Variants in PTPRA observed in about 807,000 individuals in gnomAD.
PTPRA encodes receptor-type tyrosine-protein phosphatase alpha.
PTPRA carries 25 observed loss-of-function variants against 104.8 expected under a neutral mutation model. The observed-to-expected ratio is 0.24, with a 90% CI of 0.17 to 0.33. The LOEUF (loss-of-function observed/expected upper bound fraction) is 0.33. PTPRA is among the 10% of genes least tolerant of loss of function. The pLI, the probability that PTPRA is intolerant of heterozygous loss-of-function variation, is 1.00. For missense variants in PTPRA, 765 were observed against 1,015.3 expected (o/e 0.75, Z 3.35); for synonymous variants, 323 against 368.9 (o/e 0.88, Z 1.43).
chr20:2,990,553 TACAACA>T (rs768046525), intron 9 of PTPRA, among the ~76,000 whole-genome samples: 1 of 151,924 alleles, frequency 6.6e-6, no homozygotes, highest in Non-Finnish European at 1.5e-5. Context: ...ACCCCATCTC[TACAACA>T]ACAACAACAA....
chr20:2,972,602 T>A (rs1461305255), intron 5 of PTPRA, among the ~76,000 whole-genome samples: 3 of 152,258 alleles, frequency 2.0e-5, no homozygotes, highest in African/African-American at 7.2e-5. Flanking sequence ...TCTCAAATTA[T>A]CTCTAAATGA....
intron 16 of PTPRA, 82 bp from the exon 17 acceptor site, chr20:3,024,390 T>G: frequency 7.3e-7 from 1 of 1,365,300 alleles, no homozygotes; most frequent in Admixed American, 1.9e-5. Context: ...TGGACTGGAG[T>G]GAAGTGGGGG....
intron 2 of PTPRA, among the ~76,000 whole-genome samples, chr20:2,947,537 T>C (rs2061179613): frequency 6.6e-6 from 1 of 152,204 alleles, no homozygotes; most frequent in Non-Finnish European, 1.5e-5. Context: ...ACATTCACCC[T>C]GCTCATAAAA....
At chr20:2,872,884 G>A (rs2089463973), upstream of PTPRA, among the ~76,000 whole-genome samples, 1 of 152,210 alleles carries the variant, frequency 6.6e-6, no homozygotes, top group South Asian at 2.1e-4. The surrounding 1 kb of genome is among the most constrained non-coding windows in gnomAD (Gnocchi z 7.9). Flanking sequence ...TCGGTGGCGA[G>A]CGGGGCCCCA....
intron 1 of PTPRA, among the ~76,000 whole-genome samples, chr20:2,903,207 A>G (rs968982755): frequency 6.6e-6 from 1 of 152,302 alleles, no homozygotes; most frequent in African/African-American, 2.4e-5. Context: ...CAAATATTCC[A>G]ACATCTTTAA....
chr20:2,983,140 C>A (rs1179537054), intron 6 of PTPRA, among the ~76,000 whole-genome samples: 1 of 152,000 alleles, frequency 6.6e-6, no homozygotes, highest in Non-Finnish European at 1.5e-5. Flanking sequence ...ATTAGGAAGT[C>A]AGAGAAGACC....
upstream of PTPRA, among the ~76,000 whole-genome samples, chr20:2,872,819 G>A (rs1372920432): frequency 1.3e-5 from 2 of 152,208 alleles, no homozygotes; most frequent in African/African-American, 4.8e-5. This position sits in a 1 kb window ranked among gnomAD's most constrained non-coding sequence, Gnocchi z 7.9. Context: ...CCCGCCAGGC[G>A]TATCGCAAAA....
At chr20:2,919,867 C>G (rs2060040664) in intron 1 of PTPRA, among the ~76,000 whole-genome samples, 1 of 152,162 alleles carries the variant, frequency 6.6e-6, no homozygotes, top group Non-Finnish European at 1.5e-5. Context: ...ATGTTTCTTA[C>G]ATCTTTGAGT....
chr20:3,018,750 A>C (rs1233463048), intron 13 of PTPRA, among the ~76,000 whole-genome samples: 3,262 of 149,334 alleles, frequency 0.022, 128 homozygotes, highest in African/African-American at 0.078. Context: ...CACACCTCCC[A>C]GACGGGGTGG....
intron 11 of PTPRA, among the ~76,000 whole-genome samples, chr20:3,007,912 G>A (rs962675661): frequency 1.3e-5 from 2 of 152,142 alleles, no homozygotes; most frequent in Middle Eastern, 3.2e-3. Context: ...GATACTAAGA[G>A]GAGGTTTTTA....
At position 2,964,144 on chromosome 20, in the gene PTPRA, T is replaced by C; in HGVS notation, c.-6-128T>C. On this transcript the variant is annotated intron_variant, in intron 3 of 23. Coordinates refer to ENST00000399903, the MANE Select transcript of PTPRA (RefSeq NM_001385305.1). Reference sequence around the variant, plus strand: ...ATCTGAGGAAGCATGCATATCAGGCTCCCAAAAGATCATTGGTTTAGGCAC... The same window carrying C: ...ATCTGAGGAAGCATGCATATCAGGCCCCCAAAAGATCATTGGTTTAGGCAC... 4 of 731,242 alleles carry C rather than the reference T, an allele frequency of 5.5e-6. No homozygotes were observed. In the South Asian group the frequency reaches 6.8e-5, roughly 13 times the overall value. The allele number at this position is 731,242 out of a possible 1,614,324, so 45.3% of individuals were successfully genotyped here.
At chr20:3,011,766 T>A (rs1406185669) in intron 11 of PTPRA, among the ~76,000 whole-genome samples, 1 of 152,224 alleles carries the variant, frequency 6.6e-6, no homozygotes, top group Non-Finnish European at 1.5e-5. Context: ...GAAAGGGGTT[T>A]ATTATAAGAT....
intron 3 of PTPRA, among the ~76,000 whole-genome samples, chr20:2,963,864 C>T (rs1050533189): frequency 7.2e-5 from 11 of 152,078 alleles, no homozygotes; most frequent in Admixed American, 5.2e-4. Flanking sequence ...CATAGTGAGA[C>T]GCCGTCTCTA....
At chr20:3,027,679 A>C (rs1258008037) in intron 19 of PTPRA, 28 bp from the exon 20 acceptor site, 1 of 1,610,434 alleles carries the variant, frequency 6.2e-7, no homozygotes. Context: ...AAACCATCTC[A>C]CCCTTGCAAT....
intron 1 of PTPRA, among the ~76,000 whole-genome samples, chr20:2,914,614 C>T (rs944764998): frequency 9.2e-5 from 14 of 152,080 alleles, no homozygotes; most frequent in Admixed American, 9.2e-4. Context: ...TTACTATTTA[C>T]TTAATTGATC....
intron 17 of PTPRA, among the ~76,000 whole-genome samples, chr20:3,026,296 G>A (rs1319950696): frequency 1.3e-5 from 2 of 152,224 alleles, no homozygotes; most frequent in Admixed American, 1.3e-4. Flanking sequence ...GCTACACTTT[G>A]AGTAGCAAAT....
intron 1 of PTPRA, among the ~76,000 whole-genome samples, chr20:2,882,170 T>C (rs1168044219): frequency 6.6e-6 from 1 of 152,212 alleles, no homozygotes; most frequent in African/African-American, 2.4e-5. Context: ...GCTGAATATG[T>C]GAACAAACAA....
intron 16 of PTPRA, 68 bp from the exon 17 acceptor site, chr20:3,024,404 G>A: frequency 6.7e-7 from 1 of 1,483,544 alleles, no homozygotes; most frequent in Non-Finnish European, 9.3e-7. Flanking sequence ...GTGGGGGTGG[G>A]AACAGGTGAT....
At chr20:3,031,902 A>G (rs28712393) in intron 20 of PTPRA, among the ~76,000 whole-genome samples, 29 of 152,206 alleles carry the variant, frequency 1.9e-4, no homozygotes, top group African/African-American at 4.8e-5. Context: ...AGTAAAACCC[A>G]GTTATATGCC....
Sources: gnomAD v4.1 joint callset for allele counts (sites outside exome capture counted in the v4.1 genomes callset) on GRCh38, gnomAD v4.1.1 for gene constraint, Gnocchi (gnomAD v3.1) non-coding constraint, MANE v1.5 for transcripts, NCBI Gene and HGNC (gene_info 2026-07-23, HGNC 2026-07-21) for gene names.